NAV2: variants seen among roughly 807,000 people sequenced by gnomAD.
The protein encoded by NAV2 is helicase, APC down-regulated 1.
A neutral mutation model predicts 223.2 loss-of-function variants in NAV2; 54 were observed. That is an observed-to-expected ratio of 0.24 (90% CI 0.19 to 0.30). The LOEUF (loss-of-function observed/expected upper bound fraction) is 0.30. Among genes scored for constraint, NAV2 ranks in the 10% least tolerant of loss-of-function variants. The probability of loss-of-function intolerance (pLI) is 1.00; values close to 1 mark genes in which losing one functional copy is unlikely to be tolerated. For missense variants in NAV2, 2,806 were observed against 3,147.5 expected, an observed-to-expected ratio of 0.89 and a Z score of 2.60; for synonymous variants, 1,279 against 1,239.3, an observed-to-expected ratio of 1.03 and a Z score of -0.67.
intron 12 of NAV2, among the ~76,000 whole-genome samples, chr11:20,043,290 C>T (rs1421483980): frequency 5.9e-5 from 9 of 152,088 alleles, no homozygotes; most frequent in Admixed American, 3.9e-4. Context: ...AGAGATCAGC[C>T]GCCAGAGTTG....
chr11:19,879,909 C>G lies in NAV2; in HGVS notation c.552C>G (p.Phe184Leu), dbSNP rs765316449. ...NGNLKAILGL[F>L]FSLSRYKQQQ... is the part of the protein sequence containing the mutation. ...ACCTCAAGGCCATTCTAGGCCTCTT[C>G]TTCAGCCTCTCCCGATACAAGCAGC... is the stretch of plus-strand genomic sequence containing the variant. Residue 184 changes from phenylalanine to leucine, a missense_variant, in exon 5 of 38, where the codon TTC (phenylalanine) becomes TTG (leucine). By Grantham distance (22) the Phe-to-Leu change is conservative. Transcript: ENST00000349880. 2.5e-6 allele frequency: 4 copies of G among 1,613,926 alleles called. No individual in the cohort carries two copies. The highest frequency in any genetic ancestry group is 3.4e-6 in the Non-Finnish European group (4 of 1,180,042).
At chr11:19,965,152 C>T (rs1043420853) in intron 10 of NAV2, among the ~76,000 whole-genome samples, 1 of 152,056 alleles carries the variant, frequency 6.6e-6, no homozygotes, top group Non-Finnish European at 1.5e-5. Context: ...AGGAACTCCT[C>T]TTCCCATTCT....
intron 1 of NAV2, among the ~76,000 whole-genome samples, chr11:19,537,476 C>A (rs1230086578): frequency 6.6e-6 from 1 of 152,200 alleles, no homozygotes; most frequent in Non-Finnish European, 1.5e-5. Flanking sequence ...GATTCAAACC[C>A]AAGTCTACCA....
chr11:19,938,962 A>G (rs1283702108), intron 7 of NAV2, among the ~76,000 whole-genome samples: 1 of 152,260 alleles, frequency 6.6e-6, no homozygotes, highest in Non-Finnish European at 1.5e-5. Flanking sequence ...GAGTGTAATT[A>G]TGCATTTGCA....
At chr11:19,971,793 A>C (rs2625290) in intron 10 of NAV2, among the ~76,000 whole-genome samples, 123,837 of 152,166 alleles carry the variant, frequency 0.81, 50,823 homozygotes, top group Middle Eastern at 0.9. Flanking sequence ...ACCTCCGTCT[A>C]CTGGGTTCAA....
chr11:19,938,487 GT>G (rs1310138205), intron 7 of NAV2, among the ~76,000 whole-genome samples: 1 of 152,208 alleles, frequency 6.6e-6, no homozygotes, highest in Admixed American at 6.5e-5. Flanking sequence ...AAGCTTTATT[GT>G]TTTTACTGGA....
At chr11:19,640,575 T>C (rs542390835) in intron 1 of NAV2, among the ~76,000 whole-genome samples, 40 of 152,282 alleles carry the variant, frequency 2.6e-4, no homozygotes, top group African/African-American at 9.6e-4. Context: ...AGGGCTGACA[T>C]TGGGAAAAAC....
Position 19,946,483 on chromosome 11 carries a change from T to C in NAV2, c.2229T>C (p.Ser743=). 6.2e-7 allele frequency: 1 copy of C among 1,613,582 alleles called. No individual in the cohort carries two copies. The highest frequency in any genetic ancestry group is 8.5e-7 in the Non-Finnish European group (1 of 1,179,818). The change falls in exon 9 of 38, where the codon AGT becomes AGC. Residue 743 remains serine (S), a synonymous_variant. Transcript: ENST00000349880. ...AGAATTTGGAGGAAACCATGTCCAGTTTAAGGGGAACTCAGGTTACACACA... is the reference window on the plus strand; with the variant it reads ...AGAATTTGGAGGAAACCATGTCCAGCTTAAGGGGAACTCAGGTTACACACA... ...LRQNLEETMS[S]LRGTQVTHST...
At chr11:20,103,160 T>A in intron 32 of NAV2, 95 bp from the exon 33 acceptor site, 1 of 1,228,892 alleles carries the variant, frequency 8.1e-7, no homozygotes, top group African/African-American at 1.5e-5. Context: ...CCTTTCTGCC[T>A]CCACTGGCCT....
intron 5 of NAV2, among the ~76,000 whole-genome samples, chr11:19,883,939 A>G (rs929335648): frequency 2.0e-5 from 3 of 152,246 alleles, no homozygotes; most frequent in East Asian, 1.9e-4. Context: ...CATGTGAAAT[A>G]GAAACATCTC....
chr11:19,583,062 G>T (rs1430720538), intron 1 of NAV2, among the ~76,000 whole-genome samples: 2 of 152,170 alleles, frequency 1.3e-5, no homozygotes, highest in African/African-American at 2.4e-5. Context: ...TTGAGCAGTG[G>T]TTTGTAGTTC....
At chr11:20,032,147 T>G (rs974488926) in intron 11 of NAV2, among the ~76,000 whole-genome samples, 2 of 152,150 alleles carry the variant, frequency 1.3e-5, no homozygotes, top group Admixed American at 6.5e-5. Flanking sequence ...AGGGGCAGCT[T>G]TGGTTTCTGG....
intron 4 of NAV2, among the ~76,000 whole-genome samples, chr11:19,870,520 G>A (rs959009003): frequency 6.6e-6 from 1 of 152,110 alleles, no homozygotes; most frequent in African/African-American, 2.4e-5. Context: ...CTGCCTGGCT[G>A]GTAGTGACCC....
intron 1 of NAV2, among the ~76,000 whole-genome samples, chr11:19,638,371 G>C (rs2047563067): frequency 6.6e-6 from 1 of 152,238 alleles, no homozygotes; most frequent in Non-Finnish European, 1.5e-5. Context: ...CTTTGTGCTT[G>C]AGAAAGCAGA....
At chr11:19,345,826 C>T (rs905925004), upstream of NAV2, among the ~76,000 whole-genome samples, 3 of 152,152 alleles carry the variant, frequency 2.0e-5, no homozygotes, top group Admixed American at 6.5e-5. The surrounding 1 kb of genome is among the most constrained non-coding windows in gnomAD (Gnocchi z 5.2). Context: ...ACCTCCTGTG[C>T]TTGTTCTTGT....
At chr11:19,451,937 G>A (rs1237363602) in intron 1 of NAV2, among the ~76,000 whole-genome samples, 3 of 152,174 alleles carry the variant, frequency 2.0e-5, no homozygotes, top group African/African-American at 7.2e-5. Context: ...CCAAAGGTGG[G>A]TGTCTTTATC....
intron 32 of NAV2, among the ~76,000 whole-genome samples, chr11:20,102,110 G>A (rs1188298661): frequency 6.6e-6 from 1 of 152,138 alleles, no homozygotes; most frequent in Non-Finnish European, 1.5e-5. Flanking sequence ...GAGCTCTTCT[G>A]TTGAGAGCCT....
intron 20 of NAV2, among the ~76,000 whole-genome samples, chr11:20,065,460 T>C (rs1296746160): frequency 2.0e-5 from 3 of 152,266 alleles, no homozygotes; most frequent in Non-Finnish European, 4.4e-5. Context: ...GGAAAAGTTA[T>C]GGCTACCTCT....
intron 3 of NAV2, among the ~76,000 whole-genome samples, chr11:19,861,050 G>A (rs2061747080): frequency 6.7e-6 from 1 of 148,348 alleles, no homozygotes; most frequent in South Asian, 2.2e-4. Context: ...GGGAGGGGGA[G>A]GGGGAGGGGG....
Sources: gnomAD v4.1 joint callset for allele counts (sites outside exome capture counted in the v4.1 genomes callset) on GRCh38, gnomAD v4.1.1 for gene constraint, Gnocchi (gnomAD v3.1) non-coding constraint, MANE v1.5 for transcripts, NCBI Gene and HGNC (gene_info 2026-07-23, HGNC 2026-07-21) for gene names.